Variants in SNX29 observed in about 807,000 individuals in gnomAD.
SNX29 encodes the protein sorting nexin-29.
A neutral mutation model predicts 102.1 loss-of-function variants in SNX29; 78 were observed. That is an observed-to-expected ratio of 0.76 (90% CI 0.64 to 0.92). The LOEUF (loss-of-function observed/expected upper bound fraction) is 0.92, where lower values mean the gene tolerates loss of function less well. Among genes scored for constraint, SNX29 ranks in the 40% least tolerant of loss-of-function variants. SNX29 has a pLI of 0.00. For missense variants in SNX29, 1,280 were observed against 1,061.7 expected, an observed-to-expected ratio of 1.21 and a Z score of -2.86; for synonymous variants, 580 against 414.5, an observed-to-expected ratio of 1.40 and a Z score of -4.85.
intron 20 of SNX29, among the ~76,000 whole-genome samples, chr16:12,559,841 C>A (rs566118932): frequency 1.3e-5 from 2 of 152,124 alleles, no homozygotes; most frequent in Admixed American, 6.5e-5. Context: ...CATTCTAATG[C>A]CAGACTGCTT....
intron 18 of SNX29, among the ~76,000 whole-genome samples, chr16:12,428,725 A>C (rs1482349889): frequency 6.6e-6 from 1 of 152,166 alleles, no homozygotes; most frequent in Non-Finnish European, 1.5e-5. Flanking sequence ...CTTTCTAGTT[A>C]ATCACACCAC....
At chr16:11,981,319 G>T (rs1295345435) in intron 1 of SNX29, among the ~76,000 whole-genome samples, 2 of 151,924 alleles carry the variant, frequency 1.3e-5, no homozygotes, top group African/African-American at 2.4e-5. Flanking sequence ...TGGCCAGCTG[G>T]TCTCCAGCTC....
intron 10 of SNX29, 27 bp from the exon 11 acceptor site, chr16:12,078,806 A>G: frequency 1.3e-6 from 2 of 1,577,626 alleles, no homozygotes; most frequent in South Asian, 2.3e-5. Context: ...GGCCGAGTGT[A>G]ACTTCCTCCT....
intron 15 of SNX29, among the ~76,000 whole-genome samples, chr16:12,334,407 C>T (rs961451846): frequency 3.3e-5 from 5 of 152,096 alleles, no homozygotes; most frequent in African/African-American, 1.2e-4. Context: ...AAAAATCATC[C>T]CCGGGTGCAT....
At chr16:12,490,410 C>G (rs1356310614) in intron 19 of SNX29, among the ~76,000 whole-genome samples, 1 of 152,196 alleles carries the variant, frequency 6.6e-6, no homozygotes. Context: ...TGTAATAGTC[C>G]ATTGTGTGAA....
At chr16:12,068,564 A>C (rs1440881873) in intron 9 of SNX29, among the ~76,000 whole-genome samples, 1 of 150,050 alleles carries the variant, frequency 6.7e-6, no homozygotes, top group Non-Finnish European at 1.5e-5. Flanking sequence ...AAAAATTTTT[A>C]ATGGAGCTTC....
intron 14 of SNX29, among the ~76,000 whole-genome samples, chr16:12,248,518 C>G (rs1308659677): frequency 2.0e-5 from 3 of 152,024 alleles, no homozygotes; most frequent in African/African-American, 7.2e-5. Context: ...GCCTCAGCCT[C>G]CTGAGCGATT....
At chr16:11,994,450 C>G (rs1329951907) in intron 1 of SNX29, among the ~76,000 whole-genome samples, 4 of 152,186 alleles carry the variant, frequency 2.6e-5, no homozygotes, top group African/African-American at 9.7e-5. Context: ...CACTGGGCCA[C>G]TGCTGCAGGT....
intron 15 of SNX29, among the ~76,000 whole-genome samples, chr16:12,293,972 A>G (rs1383870227): frequency 6.6e-6 from 1 of 152,186 alleles, no homozygotes; most frequent in African/African-American, 2.4e-5. Flanking sequence ...GAGGAAACTG[A>G]GGTGTGGTGT....
chr16:12,465,198 C>G (rs2086995886), intron 18 of SNX29, among the ~76,000 whole-genome samples: 1 of 152,132 alleles, frequency 6.6e-6, no homozygotes, highest in African/African-American at 2.4e-5. Context: ...GTTTCCTTTG[C>G]TGCACAGAAG....
At chr16:12,454,881 G>T (rs990864931) in intron 18 of SNX29, among the ~76,000 whole-genome samples, 5 of 152,002 alleles carry the variant, frequency 3.3e-5, no homozygotes, top group African/African-American at 1.2e-4. Flanking sequence ...GAGTAACTGG[G>T]ACTATAGGCA....
intron 18 of SNX29, among the ~76,000 whole-genome samples, chr16:12,404,773 T>C (rs1321175876): frequency 1.3e-5 from 2 of 152,188 alleles, no homozygotes; most frequent in African/African-American, 4.8e-5. Flanking sequence ...GAGACAGTAA[T>C]CTATCTTGTA....
chr16:12,438,561 A>C (rs1358451589), intron 18 of SNX29, among the ~76,000 whole-genome samples: 1 of 152,206 alleles, frequency 6.6e-6, no homozygotes, highest in Admixed American at 6.5e-5. Flanking sequence ...ACAGACCAGC[A>C]TTGAGGCTGC....
chr16:12,384,657 A>G (rs2083285983), intron 16 of SNX29, among the ~76,000 whole-genome samples: 1 of 152,100 alleles, frequency 6.6e-6, no homozygotes, highest in African/African-American at 2.4e-5. Context: ...ATTTTCTCCC[A>G]TTCTGTGGGT....
chr16:12,032,203 C>CTTT (rs781326269), intron 4 of SNX29, among the ~76,000 whole-genome samples: 25 of 124,370 alleles, frequency 2.0e-4, no homozygotes, highest in Admixed American at 2.4e-4. Context: ...TCTTCTTCTT[C>CTTT]TTTTTTTTTT....
At chr16:12,089,978 CG>C in intron 11 of SNX29, 1 of 207,628 alleles carries the variant, frequency 4.8e-6, no homozygotes, top group South Asian at 5.1e-5. Context: ...GCCCTAAGCA[CG>C]GTGCCCTAAC....
Position 12,181,303 on chromosome 16 carries a change from T to G in SNX29, c.1596-18298T>G, listed in dbSNP as rs966237432. On this transcript the variant is annotated intron_variant, in intron 13 of 20. Transcript: ENST00000566228. ...GTGCCCAAGGTGGTCAGAGCATGGT[T>G]GGGTTTTATACGTTCTAGGGAGACA... Among the ~76,000 whole-genome samples the G allele has an allele frequency of 3.3e-5, 5 of 152,184 alleles. No homozygotes were observed. The East Asian group carries it at 9.6e-4, about 29-fold the overall frequency.
intron 13 of SNX29, among the ~76,000 whole-genome samples, chr16:12,156,450 C>T (rs1174582040): frequency 6.6e-6 from 1 of 152,206 alleles, no homozygotes; most frequent in Non-Finnish European, 1.5e-5. Context: ...GGATTACAGG[C>T]GTGAGCCTTG....
intron 20 of SNX29, among the ~76,000 whole-genome samples, chr16:12,547,540 CAG>C (rs1567169850): frequency 6.6e-6 from 1 of 152,084 alleles, no homozygotes; most frequent in Non-Finnish European, 1.5e-5. Flanking sequence ...ACTGGAAGAA[CAG>C]AGTCCTGAGC....
Sources: allele counts gnomAD v4.1 joint callset (sites outside exome capture counted in the v4.1 genomes callset), GRCh38; gene constraint gnomAD v4.1.1; transcripts MANE v1.5; gene names NCBI Gene and HGNC (gene_info 2026-07-23, HGNC 2026-07-21).